Variants in NCALD observed in about 807,000 individuals in gnomAD.
NCALD encodes neurocalcin-delta.
NCALD carries 10 observed loss-of-function variants against 18.6 expected under a neutral mutation model. The ratio of observed to expected loss-of-function variants is 0.54; its 90% CI spans 0.33 to 0.91. The LOEUF (loss-of-function observed/expected upper bound fraction) is 0.91. NCALD is among the 40% of genes least tolerant of loss of function. NCALD has a pLI of 0.03. For synonymous variants in NCALD, 88 were observed against 87.4 expected (o/e 1.01, Z -0.04); for missense variants, 184 against 247.6 (o/e 0.74, Z 1.72).
intron 4 of NCALD, among the ~76,000 whole-genome samples, chr8:101,873,739 AT>A (rs2131418717): frequency 6.6e-6 from 1 of 152,316 alleles, no homozygotes; most frequent in South Asian, 2.1e-4. Context: ...TGCCGCCCCC[AT>A]TGCAAAGCCC....
At chr8:102,054,614 C>T (rs1205917529) in intron 1 of NCALD, among the ~76,000 whole-genome samples, 2 of 151,506 alleles carry the variant, frequency 1.3e-5, no homozygotes, top group Admixed American at 1.3e-4. Context: ...CCCTACAGAT[C>T]GCAGACTTGC....
chr8:102,084,750 C>T (rs12155739), intron 1 of NCALD, among the ~76,000 whole-genome samples: 2,022 of 152,294 alleles, frequency 0.013, 30 homozygotes, highest in Non-Finnish European at 0.022. Flanking sequence ...CGCCCAACTC[C>T]GGAGATCTTA....
chr8:101,779,317 G>C (rs1162075331), intron 1 of NCALD, among the ~76,000 whole-genome samples: 1 of 152,138 alleles, frequency 6.6e-6, no homozygotes, highest in African/African-American at 2.4e-5. Flanking sequence ...AGAGGGCTTA[G>C]TAGAGAGCAT....
intron 2 of NCALD, among the ~76,000 whole-genome samples, chr8:101,929,361 T>C (rs1157445484): frequency 1.2e-4 from 2 of 16,860 alleles, no homozygotes; most frequent in African/African-American, 5.5e-4. Context: ...GGAAAGGGAA[T>C]GGAAGGGAGG....
At chr8:101,742,928 G>A (rs1810275374) in intron 1 of NCALD, among the ~76,000 whole-genome samples, 1 of 152,002 alleles carries the variant, frequency 6.6e-6, no homozygotes, top group African/African-American at 2.4e-5. Flanking sequence ...GTGGTGTTTG[G>A]TTTTCTATTC....
At chr8:101,751,247 A>G (rs1004700035) in intron 1 of NCALD, among the ~76,000 whole-genome samples, 20 of 152,228 alleles carry the variant, frequency 1.3e-4, no homozygotes, top group Non-Finnish European at 5.9e-5. Context: ...TAGGAGGACA[A>G]ATATTGCATC....
intron 1 of NCALD, among the ~76,000 whole-genome samples, chr8:102,116,627 T>A (rs1825796824): frequency 6.6e-6 from 1 of 152,100 alleles, no homozygotes; most frequent in Non-Finnish European, 1.5e-5. Context: ...GAACCACGGG[T>A]GCATGCCAAG....
chr8:102,116,983 G>A (rs577769044), intron 1 of NCALD, among the ~76,000 whole-genome samples: 2 of 152,332 alleles, frequency 1.3e-5, no homozygotes, highest in Admixed American at 1.3e-4. Context: ...ACAGAGAAGA[G>A]CAGGAAGCAA....
At chr8:101,943,885 G>A (rs1563920017) in intron 2 of NCALD, among the ~76,000 whole-genome samples, 1 of 150,764 alleles carries the variant, frequency 6.6e-6, no homozygotes, top group Admixed American at 6.6e-5. Flanking sequence ...AGGTTGCAGT[G>A]AGCCGAGATC....
intron 1 of NCALD, among the ~76,000 whole-genome samples, chr8:102,034,063 G>C (rs545622015): frequency 6.7e-6 from 1 of 148,874 alleles, no homozygotes; most frequent in Non-Finnish European, 1.5e-5. Flanking sequence ...TTTGTGATCA[G>C]TTACAGAAGT....
chr8:102,120,158 T>C (rs986401495), intron 1 of NCALD, among the ~76,000 whole-genome samples: 2 of 152,236 alleles, frequency 1.3e-5, no homozygotes, highest in Non-Finnish European at 2.9e-5. Flanking sequence ...ACGCTGTTTC[T>C]CTTATCTATG....
intron 1 of NCALD, among the ~76,000 whole-genome samples, chr8:102,061,849 C>T (rs557970193): frequency 6.6e-6 from 1 of 152,148 alleles, no homozygotes; most frequent in Admixed American, 6.5e-5. Flanking sequence ...TTATGGAACC[C>T]AGTCAAAACT....
At chr8:101,815,198 C>CATT (rs1256344076) in intron 4 of NCALD, among the ~76,000 whole-genome samples, 2 of 152,102 alleles carry the variant, frequency 1.3e-5, no homozygotes, top group Non-Finnish European at 2.9e-5. Context: ...GGAGGACTGA[C>CATT]ATTACTTGAC....
intron 3 of NCALD, among the ~76,000 whole-genome samples, chr8:101,892,856 G>T (rs889897189): frequency 2.0e-5 from 3 of 149,616 alleles, no homozygotes; most frequent in Admixed American, 2.0e-4. Flanking sequence ...AGAAATATGG[G>T]ACTATGTGAA....
chr8:101,922,779 A>G (rs953300046), intron 2 of NCALD, among the ~76,000 whole-genome samples: 1 of 152,194 alleles, frequency 6.6e-6, no homozygotes, highest in African/African-American at 2.4e-5. Context: ...TTTTCTATAT[A>G]TACTATGTTT....
chr8:101,965,798 C>T (rs1261751146), intron 2 of NCALD, among the ~76,000 whole-genome samples: 1 of 152,060 alleles, frequency 6.6e-6, no homozygotes, highest in African/African-American at 2.4e-5. Context: ...AGAGCAACAG[C>T]AGATTGAAAG....
intron 4 of NCALD, among the ~76,000 whole-genome samples, chr8:101,862,026 C>G (rs1815563963): frequency 6.6e-6 from 1 of 152,134 alleles, no homozygotes; most frequent in South Asian, 2.1e-4. Context: ...TTCCACAAAT[C>G]TGCAAAAGGA....
At chr8:101,690,724 C>A in intron 3 of NCALD, 1 of 985,442 alleles carries the variant, frequency 1.0e-6, no homozygotes, top group Non-Finnish European at 1.2e-6. Context: ...ATTTGTAGAG[C>A]TGATCCCCTC....
chr8:102,023,344 TG>T (rs1822343661), intron 1 of NCALD, among the ~76,000 whole-genome samples: 1 of 56,636 alleles, frequency 1.8e-5, no homozygotes. Flanking sequence ...GGAATCACAC[TG>T]GGTTTAGAAC....
Sources: allele counts gnomAD v4.1 joint callset (sites outside exome capture counted in the v4.1 genomes callset), GRCh38; gene constraint gnomAD v4.1.1; transcripts MANE v1.5; gene names NCBI Gene and HGNC (gene_info 2026-07-23, HGNC 2026-07-21).